The following CAV2 variants were observed in gnomAD, a reference collection of about 807,000 sequenced individuals.
The protein encoded by CAV2 is caveolin-2.
In CAV2, 7 loss-of-function variants were observed where a neutral mutation model predicts 15.5. The observed-to-expected ratio is 0.45, with a 90% CI of 0.26 to 0.85. The LOEUF (loss-of-function observed/expected upper bound fraction) is 0.85, where lower values mean the gene tolerates loss of function less well. CAV2 is among the 40% of genes least tolerant of loss of function. CAV2 has a pLI of 0.18. For synonymous variants in CAV2, 76 were observed against 83.1 expected (o/e 0.91, Z 0.46); for missense variants, 229 against 208.8 (o/e 1.10, Z -0.60).
intron 1 of CAV2, 144 bp from the exon 2 acceptor site, chr7:116,500,116 T>G: frequency 6.8e-7 from 1 of 1,471,662 alleles, no homozygotes; most frequent in East Asian, 2.4e-5. Context: ...TTAGCCAGGT[T>G]CCTGTGCGCC....
intron 2 of CAV2, chr7:116,501,397 C>T (rs1437164171): frequency 6.6e-6 from 1 of 152,228 alleles, no homozygotes; most frequent in Non-Finnish European, 1.5e-5. Flanking sequence ...CAAGGTACCT[C>T]CGTGTCTTTC....
In CAV2 at chr7:116,499,932, G is replaced by A. The variant is rs1026721215; in HGVS notation, c.150+1G>A. 1.9e-6 allele frequency: 3 copies of A among 1,611,040 alleles called. No homozygotes were observed. Among genetic ancestry groups the A allele is most frequent in the Non-Finnish European group, 2.5e-6 (3 of 1,179,056 alleles). ...CCACCGGCTCAACTCGCATCTCAAGGTGAAGCCCGGGGCGGGCGGGCCCAA... is the reference window on the plus strand; with the variant it reads ...CCACCGGCTCAACTCGCATCTCAAGATGAAGCCCGGGGCGGGCGGGCCCAA... On this transcript the variant is annotated splice_donor_variant, in intron 1 of 2. Transcript: ENST00000222693. LOFTEE classifies it high-confidence loss of function.
At chr7:116,500,832 A>G (rs914447325) in intron 2 of CAV2, 13 of 182,456 alleles carry the variant, frequency 7.1e-5, no homozygotes, top group Non-Finnish European at 1.5e-4. Context: ...TTATTCAGTC[A>G]CTGCCTGTGC....
chr7:116,505,762 C>A (rs568481643), intron 2 of CAV2, among the ~76,000 whole-genome samples: 1 of 152,178 alleles, frequency 6.6e-6, no homozygotes, highest in South Asian at 2.1e-4. Flanking sequence ...CTCGGCCCCA[C>A]CTCCAACACT....
In CAV2 at chr7:116,508,360, G is replaced by C. The variant is rs1014855717; in HGVS notation, c.*2239G>C. The C allele has an allele frequency of 2.0e-5, 3 of 151,976 alleles. No individual in the cohort carries two copies. Among genetic ancestry groups the C allele is most frequent in the African/African-American group, 7.2e-5 (3 of 41,386 alleles). The allele number at this position is 151,976 out of a possible 1,614,324, so 9.4% of individuals were successfully genotyped here. ...GACTTCCTTATTTCTGAACAGTACTGGTTACTTTCAAAATGAATTTTTATT... is the reference window on the plus strand; with the variant it reads ...GACTTCCTTATTTCTGAACAGTACTCGTTACTTTCAAAATGAATTTTTATT... On this transcript the variant is annotated 3_prime_UTR_variant, in exon 3 of 3. Transcript: ENST00000222693.
At chr7:116,499,959 T>A in intron 1 of CAV2, 28 bp downstream of exon 1, 1 of 1,604,046 alleles carries the variant, frequency 6.2e-7, no homozygotes, top group South Asian at 1.1e-5. Context: ...CGGGCCCAAG[T>A]CCCCGCTGAG....
At chr7:116,503,288 A>G (rs139235936) in intron 2 of CAV2, among the ~76,000 whole-genome samples, 21 of 152,126 alleles carry the variant, frequency 1.4e-4, no homozygotes, top group Non-Finnish European at 2.9e-4. Context: ...GATGTTGAGA[A>G]CCCAACTTAA....
chr7:116,500,580 A>G, intron 2 of CAV2, 133 bp downstream of exon 2: 1 of 784,108 alleles, frequency 1.3e-6, no homozygotes, highest in Non-Finnish European at 2.0e-6. Flanking sequence ...AGCAGTAGGA[A>G]GAACTGGAAG....
intron 2 of CAV2, among the ~76,000 whole-genome samples, chr7:116,502,538 C>G (rs532697966): frequency 1.3e-5 from 2 of 152,190 alleles, no homozygotes; most frequent in Admixed American, 6.5e-5. Context: ...ATGATAAGAC[C>G]AGATCAAGGA....
chr7:116,504,816 A>G (rs143462171), intron 2 of CAV2, among the ~76,000 whole-genome samples: 2 of 152,226 alleles, frequency 1.3e-5, no homozygotes, highest in African/African-American at 4.8e-5. Context: ...AAGTGTATGA[A>G]AAATAACAAT....
intron 1 of CAV2, 134 bp downstream of exon 1, chr7:116,500,065 G>T: frequency 6.8e-7 from 1 of 1,467,950 alleles, no homozygotes; most frequent in Non-Finnish European, 9.0e-7. Flanking sequence ...ACCCTTCCCC[G>T]GTCCCACCCG....
chr7:116,499,819 T>C lies in CAV2; in HGVS notation c.38T>C (p.Phe13Ser). 1.2e-6 allele frequency: 2 copies of C among 1,600,334 alleles called. No individual in the cohort carries two copies. The highest frequency in any genetic ancestry group is 1.7e-6 in the Non-Finnish European group (2 of 1,175,010). Reference sequence around the variant, plus strand: ...ACGGAGAAGGCGGACGTACAGCTCTTCATGGACGACGACTCCTACAGCCAC... The same window carrying C: ...ACGGAGAAGGCGGACGTACAGCTCTCCATGGACGACGACTCCTACAGCCAC... ...LETEKADVQL[F>S]MDDDSYSHHS... Residue 13 changes from phenylalanine (F) to serine (S), a missense_variant, in exon 1 of 3, where the codon TTC becomes TCC. Transcript: ENST00000222693.
In CAV2 at chr7:116,506,339, A is replaced by G. The variant is rs1027440019; in HGVS notation, c.*218A>G. On this transcript the variant is annotated 3_prime_UTR_variant, in exon 3 of 3. Coordinates refer to ENST00000222693, the MANE Select transcript of CAV2 (RefSeq NM_001233.5). The stretch of plus-strand genomic sequence containing the variant: ...CATATCTAACTTTGTAACCAGAATT[A>G]TACAGTAAGTTGACACCACTTAGAT... The G allele has an allele frequency of 6.0e-6, 3 of 500,264 alleles. No individual in the cohort carries two copies. The Admixed American group carries it at 1.1e-4, about 18-fold the overall frequency. 31.0% of individuals were successfully genotyped at this position (500,264 alleles called of 1,614,324 possible). A position where few individuals can be genotyped will look rare whatever the true frequency, so the allele number is the denominator to read the frequency against.
rs779124918 is a variant in CAV2, at chr7:116,506,083, T to A, written c.451T>A (p.Cys151Ser). 5 of 1,614,154 alleles carry A rather than the reference T, an allele frequency of 3.1e-6. No individual in the cohort carries two copies. The highest frequency in any genetic ancestry group is 4.2e-6 in the Non-Finnish European group (5 of 1,179,982). ...TCCATTGTGTACGAGCGTAGGACGA[T>A]GCTTCTCTTCTGTCAGCCTGCAACT... is the stretch of plus-strand genomic sequence containing the variant. ...IAPLCTSVGRCFSSVSLQLSQ... is the reference protein window; with the variant it reads ...IAPLCTSVGRSFSSVSLQLSQ... Residue 151 changes from cysteine (C) to serine (S), a missense_variant, in exon 3 of 3, where the codon TGC becomes AGC. By Grantham distance (112) the Cys-to-Ser change is moderately radical. Coordinates refer to ENST00000222693, the MANE Select transcript of CAV2 (RefSeq NM_001233.5).
intron 2 of CAV2, among the ~76,000 whole-genome samples, chr7:116,503,202 T>C (rs1793143143): frequency 6.7e-6 from 1 of 150,180 alleles, no homozygotes; most frequent in African/African-American, 2.4e-5. Context: ...ACTTAAGAAG[T>C]ATTGGCCACA....
rs1793262523 is a variant in CAV2 at position 116,507,396 on chromosome 7, G to A, written c.*1275G>A. On this transcript the variant is annotated 3_prime_UTR_variant, in exon 3 of 3. Transcript: ENST00000222693. The stretch of plus-strand genomic sequence containing the variant: ...GAAAAATCTCATTATTTCTGGGCCG[G>A]GCATGGTGGCTCACCCCTGTAATCC... The A allele has an allele frequency of 6.6e-6, 1 of 152,216 alleles. No individual in the cohort carries two copies. Among genetic ancestry groups the A allele is most frequent in the Non-Finnish European group, 1.5e-5 (1 of 68,110 alleles). The allele number at this position is 152,216 out of a possible 1,614,324, so 9.4% of individuals were successfully genotyped here.
rs1277487768 is a variant in CAV2 at position 116,505,987 on chromosome 7, G to T, written c.355G>T (p.Val119Leu). The T allele has an allele frequency of 6.2e-7, 1 of 1,612,244 alleles. No homozygotes were observed. The highest frequency in any genetic ancestry group is 8.5e-7 in the Non-Finnish European group (1 of 1,179,076). The change falls in exon 3 of 3, where the codon GTA becomes TTA. Residue 119 changes from valine to leucine, a missense_variant. Physicochemically the swap from Val to Leu is conservative, Grantham distance 32. Coordinates refer to ENST00000222693, the MANE Select transcript of CAV2 (RefSeq NM_001233.5). ...TCCTTCCAGGATTTTAATGCCTTTT[G>T]TAAAGACCTGCCTAATGGTTCTGCC... ...CLHIWILMPFVKTCLMVLPSV... is the reference protein window; with the variant it reads ...CLHIWILMPFLKTCLMVLPSV...
chr7:116,505,832 T>C (rs1793220437), intron 2 of CAV2, 139 bp from the exon 3 acceptor site: 2 of 597,122 alleles, frequency 3.3e-6, no homozygotes, highest in African/African-American at 3.8e-5. Context: ...TTATCAGTGA[T>C]CATTGTTCAT....
chr7:116,502,214 A>G (rs1793120926), intron 2 of CAV2, among the ~76,000 whole-genome samples: 1 of 152,240 alleles, frequency 6.6e-6, no homozygotes, highest in Non-Finnish European at 1.5e-5. Context: ...GATATAAGTA[A>G]AACTACAATT....
Sources: gnomAD v4.1 joint callset for allele counts (sites outside exome capture counted in the v4.1 genomes callset) on GRCh38, gnomAD v4.1.1 for gene constraint, MANE v1.5 for transcripts, NCBI Gene and HGNC (gene_info 2026-07-23, HGNC 2026-07-21) for gene names.